The following PRKD1 variants were observed in gnomAD, a reference collection of about 807,000 sequenced individuals.
PRKD1 encodes serine/threonine-protein kinase D1.
PRKD1 carries 63 observed loss-of-function variants against 95.9 expected under a neutral mutation model. That is an observed-to-expected ratio of 0.66 (90% CI 0.54 to 0.81). PRKD1 has a LOEUF of 0.81. Ranked by LOEUF, PRKD1 falls within the 30% of genes least tolerant of loss-of-function variation. The pLI is 0.00. For missense variants in PRKD1, 1,048 were observed against 1,165.3 expected (o/e 0.90, Z 1.47); for synonymous variants, 425 against 423.1 (o/e 1.00, Z -0.05).
chr14:29,644,345 A>T (rs1300970268), intron 4 of PRKD1, among the ~76,000 whole-genome samples: 1 of 152,134 alleles, frequency 6.6e-6, no homozygotes, highest in Admixed American at 6.5e-5. Flanking sequence ...CCAAACTCAA[A>T]CACTTAATAG....
At chr14:29,880,754 G>A (rs1351611479) in intron 1 of PRKD1, among the ~76,000 whole-genome samples, 1 of 151,686 alleles carries the variant, frequency 6.6e-6, no homozygotes, top group Non-Finnish European at 1.5e-5. Context: ...CAAGACCATG[G>A]GAACCCACCT....
chr14:29,781,848 T>C (rs1889061394), intron 1 of PRKD1, among the ~76,000 whole-genome samples: 1 of 152,202 alleles, frequency 6.6e-6, no homozygotes, highest in South Asian at 2.1e-4. Flanking sequence ...CTAAAGAGTA[T>C]TTAAACGGAG....
At chr14:29,856,661 G>T (rs1892515956) in intron 1 of PRKD1, among the ~76,000 whole-genome samples, 1 of 152,178 alleles carries the variant, frequency 6.6e-6, no homozygotes, top group Admixed American at 6.5e-5. Context: ...ACTCAAGAGA[G>T]AAGGAGCCCA....
Position 29,753,010 on chromosome 14 carries a change from A to G in PRKD1, c.265-27336T>C, listed in dbSNP as rs189286937. ...CTGAAGAAAATCTCTTAGTAGAAAG[A>G]AATGAGGGTATTGAAAGAGAAATAA... On this transcript the variant is annotated intron_variant, in intron 1 of 17. Coordinates refer to ENST00000331968, the MANE Select transcript of PRKD1 (RefSeq NM_002742.3). 3.3e-5 allele frequency among the ~76,000 whole-genome samples: 5 copies of G among 152,228 alleles called. No homozygotes were observed. In the East Asian group the frequency reaches 9.7e-4, roughly 29 times the overall value.
intron 1 of PRKD1, among the ~76,000 whole-genome samples, chr14:29,828,138 G>A (rs946251280): frequency 1.3e-5 from 2 of 151,928 alleles, no homozygotes; most frequent in Admixed American, 6.6e-5. Context: ...CATTTGCATC[G>A]CTATAAAGGA....
intron 1 of PRKD1, among the ~76,000 whole-genome samples, chr14:29,840,731 A>G (rs1237922851): frequency 6.6e-6 from 1 of 152,230 alleles, no homozygotes; most frequent in African/African-American, 2.4e-5. Context: ...GGCAGCAGGC[A>G]AAGAAAGAGA....
chr14:29,602,917 C>G (rs1343730452), intron 13 of PRKD1, among the ~76,000 whole-genome samples: 2 of 152,172 alleles, frequency 1.3e-5, no homozygotes, highest in African/African-American at 4.8e-5. Context: ...TGTTCATTGT[C>G]AACTATTTTG....
At chr14:29,790,162 C>T (rs1042650170) in intron 1 of PRKD1, among the ~76,000 whole-genome samples, 9 of 151,848 alleles carry the variant, frequency 5.9e-5, no homozygotes, top group African/African-American at 2.2e-4. Flanking sequence ...CAGGTGCGTG[C>T]CACCACGCCC....
At chr14:29,892,961 TA>T (rs1368955885) in intron 1 of PRKD1, among the ~76,000 whole-genome samples, 1 of 152,192 alleles carries the variant, frequency 6.6e-6, no homozygotes, top group Non-Finnish European at 1.5e-5. Flanking sequence ...TATTTCTTCA[TA>T]AAGTTAAATT....
At chr14:29,806,571 T>C (rs1890244044) in intron 1 of PRKD1, among the ~76,000 whole-genome samples, 1 of 152,174 alleles carries the variant, frequency 6.6e-6, no homozygotes, top group Non-Finnish European at 1.5e-5. Context: ...AAGTAGTTGT[T>C]TGGTTAGATG....
intron 1 of PRKD1, among the ~76,000 whole-genome samples, chr14:29,835,965 A>C (rs79289592): frequency 0.019 from 2,933 of 152,306 alleles, 88 homozygotes; most frequent in African/African-American, 0.061. Context: ...AAAACCCAAT[A>C]TAATGTATTA....
intron 1 of PRKD1, among the ~76,000 whole-genome samples, chr14:29,857,615 T>G (rs2139351895): frequency 6.6e-6 from 1 of 152,322 alleles, no homozygotes; most frequent in Middle Eastern, 3.4e-3. Flanking sequence ...CAGGTTAGGG[T>G]TATGCTTATA....
rs376640406 is a variant in PRKD1, at chr14:29,597,525, A to G, written c.2400T>C (p.Tyr800=). 1.2e-6 allele frequency: 2 copies of G among 1,611,816 alleles called. No homozygotes were observed. The highest frequency in any genetic ancestry group is 1.7e-6 in the Non-Finnish European group (2 of 1,178,074). The change falls in exon 16 of 18, where the codon TAT becomes TAC. Residue 800 remains tyrosine (Y), a synonymous_variant. Coordinates refer to ENST00000331968, the MANE Select transcript of PRKD1 (RefSeq NM_002742.3). ...HDQIQNAAFM[Y]PPNPWKEISH... is the part of the protein sequence containing the mutation. ...ATATTTCCTTCCAGGGATTTGGTGG[A>G]TACATGAAAGCTGCATTCTGAATTT...
intron 1 of PRKD1, among the ~76,000 whole-genome samples, chr14:29,843,071 T>C (rs1891927209): frequency 6.6e-6 from 1 of 152,182 alleles, no homozygotes; most frequent in South Asian, 2.1e-4. Flanking sequence ...ATTGAAGTCC[T>C]AACTCCTAGT....
intron 1 of PRKD1, among the ~76,000 whole-genome samples, chr14:29,766,387 G>A (rs1475192996): frequency 6.6e-6 from 1 of 152,124 alleles, no homozygotes; most frequent in Non-Finnish European, 1.5e-5. Context: ...AAGGAACAGG[G>A]AAATAGGATA....
chr14:29,634,451 T>A lies in PRKD1; in HGVS notation c.1281A>T (p.Gly427=), dbSNP rs767017276. The change falls in exon 8 of 18, where the codon GGA becomes GGT. Residue 427 remains glycine, a synonymous_variant. Transcript: ENST00000331968. ...CCTTGCTGGTGTAGTGGACCATCCATCCTTCTTTCATGACTGTGCTGCTTT... is the reference window on the plus strand; with the variant it reads ...CCTTGCTGGTGTAGTGGACCATCCAACCTTCTTTCATGACTGTGCTGCTTT... ...KRKSSTVMKE[G]WMVHYTSKDT... The A allele has an allele frequency of 6.8e-6, 11 of 1,613,968 alleles. No individual in the cohort carries two copies. Among genetic ancestry groups the A allele is most frequent in the Non-Finnish European group, 7.6e-6 (9 of 1,179,964 alleles).
At chr14:29,705,765 T>C (rs946920329) in intron 2 of PRKD1, among the ~76,000 whole-genome samples, 3 of 152,110 alleles carry the variant, frequency 2.0e-5, no homozygotes, top group African/African-American at 7.2e-5. Context: ...TGTCATAATG[T>C]TTTGCAGGTT....
chr14:29,639,627 AT>A (rs1880628087), intron 4 of PRKD1, among the ~76,000 whole-genome samples: 3 of 151,354 alleles, frequency 2.0e-5, no homozygotes, highest in East Asian at 1.9e-4. Flanking sequence ...CTCAAAAAAA[AT>A]AAATAAATAA....
rs17388398 is a variant in PRKD1 at position 29,835,465 on chromosome 14, C to T, written c.264+91784G>A. On this transcript the variant is annotated intron_variant, in intron 1 of 17. Transcript: ENST00000331968. The stretch of plus-strand genomic sequence containing the variant: ...AACCAACTTTGACTAAAAATTTGCT[C>T]CTTCTCATCGAAAGATTCCTTTCCC... Among the ~76,000 whole-genome samples the T allele has an allele frequency of 2.1e-3, 317 of 152,326 alleles. 1 individual carries two copies. Among genetic ancestry groups the T allele is most frequent in the Middle Eastern group, 0.014 (4 of 294 alleles).
Sources: allele counts gnomAD v4.1 joint callset (sites outside exome capture counted in the v4.1 genomes callset), GRCh38; gene constraint gnomAD v4.1.1; transcripts MANE v1.5; gene names NCBI Gene and HGNC (gene_info 2026-07-23, HGNC 2026-07-21).